The following VGLL4 variants were observed in gnomAD, a reference collection of about 807,000 sequenced individuals.
The protein encoded by VGLL4 is vestigial like family member 4, also known as transcription cofactor vestigial-like protein 4.
In VGLL4, 7 loss-of-function variants were observed where a neutral mutation model predicts 21.0. The ratio of observed to expected loss-of-function variants is 0.33; its 90% CI spans 0.19 to 0.63. The LOEUF (loss-of-function observed/expected upper bound fraction) is 0.63, where lower values mean the gene tolerates loss of function less well. Ranked by LOEUF, VGLL4 falls within the 20% of genes least tolerant of loss-of-function variation. The probability of loss-of-function intolerance (pLI) is 0.78; values close to 1 mark genes in which losing one functional copy is unlikely to be tolerated. For missense variants in VGLL4, 394 were observed against 425.7 expected (o/e 0.93, Z 0.66); for synonymous variants, 222 against 173.2 (o/e 1.28, Z -2.21).
intron 2 of VGLL4, among the ~76,000 whole-genome samples, chr3:11,587,997 C>T (rs991214788): frequency 9.9e-5 from 15 of 152,158 alleles, no homozygotes; most frequent in Non-Finnish European, 2.1e-4. Context: ...GAAAGGAGAG[C>T]GGTGGCGCTC....
chr3:11,587,029 A>G (rs2074377298), intron 2 of VGLL4, among the ~76,000 whole-genome samples: 1 of 152,278 alleles, frequency 6.6e-6, no homozygotes. Flanking sequence ...AAGTCGAGAA[A>G]TAATAGCAGG....
chr3:11,659,889 G>A (rs181353494), intron 2 of VGLL4, among the ~76,000 whole-genome samples: 42 of 152,258 alleles, frequency 2.8e-4, no homozygotes, highest in African/African-American at 7.5e-4. Context: ...TTGGCCGGGC[G>A]CGGTGGCTCA....
Position 11,558,465 on chromosome 3 carries a change from C to G in VGLL4, c.*91G>C. 8.3e-7 allele frequency: 1 copy of G among 1,210,042 alleles called. No individual in the cohort carries two copies. The highest frequency in any genetic ancestry group is 3.0e-5 in the East Asian group (1 of 33,776). 75.0% of individuals were successfully genotyped at this position (1,210,042 alleles called of 1,614,324 possible). A position where few individuals can be genotyped will look rare whatever the true frequency, so the allele number is the denominator to read the frequency against. On this transcript the variant is annotated 3_prime_UTR_variant, in exon 5 of 5. Coordinates refer to ENST00000430365, the MANE Select transcript of VGLL4 (RefSeq NM_001128219.3). ...ACCATCCCTTCCCTTCCCCCCACCC[C>G]ACCCCCATGATTTTTTTTTTTTTAA... is the stretch of plus-strand genomic sequence containing the variant.
rs2072438237 is a variant in VGLL4 at position 11,556,612 on chromosome 3, A to C, written c.*1944T>G. On this transcript the variant is annotated 3_prime_UTR_variant, in exon 5 of 5. Transcript: ENST00000430365. The stretch of plus-strand genomic sequence containing the variant: ...CAAATCTACGACAAAAAAAAAGATC[A>C]ACTTTTTTTTTCCGAACAACAAAAA... 1 of 152,266 alleles carries C rather than the reference A, an allele frequency of 6.6e-6. No individual in the cohort carries two copies. 9.4% of individuals were successfully genotyped at this position (152,266 alleles called of 1,614,324 possible). A position where few individuals can be genotyped will look rare whatever the true frequency, so the allele number is the denominator to read the frequency against.
chr3:11,658,488 A>G (rs927122910), intron 2 of VGLL4, among the ~76,000 whole-genome samples: 3 of 151,718 alleles, frequency 2.0e-5, no homozygotes, highest in African/African-American at 7.3e-5. Context: ...ATATTTAACC[A>G]AACACAGGGC....
intron 1 of VGLL4, among the ~76,000 whole-genome samples, chr3:11,613,070 A>C (rs1301031410): frequency 6.6e-6 from 1 of 152,146 alleles, no homozygotes; most frequent in African/African-American, 2.4e-5. Flanking sequence ...TAAGCAAAAA[A>C]AAAAAGAGGC....
At chr3:11,609,756 G>A (rs1048198097) in intron 1 of VGLL4, among the ~76,000 whole-genome samples, 34 of 152,302 alleles carry the variant, frequency 2.2e-4, no homozygotes, top group African/African-American at 7.5e-4. Context: ...CATGGGAGGC[G>A]ATGGCATGGC....
chr3:11,622,185 T>G (rs1255098943), intron 1 of VGLL4, among the ~76,000 whole-genome samples: 2 of 152,202 alleles, frequency 1.3e-5, no homozygotes, highest in African/African-American at 4.8e-5. Flanking sequence ...ATCTTACATC[T>G]TTTACAAAGC....
chr3:11,678,632 G>T (rs1261663631), intron 2 of VGLL4, among the ~76,000 whole-genome samples: 2 of 152,186 alleles, frequency 1.3e-5, no homozygotes, highest in Non-Finnish European at 2.9e-5. Flanking sequence ...GGTCGAGGCT[G>T]CAGTGAGCCA....
At chr3:11,610,596 G>T (rs1227733018) in intron 1 of VGLL4, 1 of 152,314 alleles carries the variant, frequency 6.6e-6, no homozygotes, top group Non-Finnish European at 1.5e-5. Flanking sequence ...GCTGTGCAGG[G>T]TCCACACCCT....
intron 1 of VGLL4, among the ~76,000 whole-genome samples, chr3:11,641,539 C>A (rs909621653): frequency 1.3e-5 from 2 of 152,200 alleles, no homozygotes; most frequent in African/African-American, 2.4e-5. Context: ...AGTGTTTACA[C>A]TGAGAAAACC....
At chr3:11,581,890 A>G (rs185238017) in intron 2 of VGLL4, among the ~76,000 whole-genome samples, 1 of 152,340 alleles carries the variant, frequency 6.6e-6, no homozygotes, top group East Asian at 1.9e-4. Flanking sequence ...CAGCCAAACT[A>G]TGCACCATTG....
At chr3:11,711,984 A>G (rs953438828) in intron 1 of VGLL4, among the ~76,000 whole-genome samples, 2 of 152,154 alleles carry the variant, frequency 1.3e-5, no homozygotes, top group Non-Finnish European at 2.9e-5. Context: ...TCTCCTCCCC[A>G]GAGTGTCCGG....
chr3:11,567,188 C>T (rs926275163), intron 2 of VGLL4, among the ~76,000 whole-genome samples: 5 of 152,218 alleles, frequency 3.3e-5, no homozygotes, highest in African/African-American at 1.2e-4. Flanking sequence ...CTCGGCGTCC[C>T]CATGTAACCA....
At chr3:11,606,697 G>A (rs2074949122) in intron 1 of VGLL4, among the ~76,000 whole-genome samples, 1 of 152,098 alleles carries the variant, frequency 6.6e-6, no homozygotes, top group Non-Finnish European at 1.5e-5. Context: ...GCTCTCTGTG[G>A]GTAGCTAAAG....
chr3:11,584,589 A>C (rs2074318768), intron 2 of VGLL4, among the ~76,000 whole-genome samples: 1 of 152,172 alleles, frequency 6.6e-6, no homozygotes. Context: ...GGAATATATG[A>C]GATGGGAGGA....
intron 2 of VGLL4, among the ~76,000 whole-genome samples, chr3:11,696,524 C>A (rs2076609107): frequency 6.6e-6 from 1 of 152,308 alleles, no homozygotes; most frequent in South Asian, 2.1e-4. Flanking sequence ...CATCCCAGTG[C>A]ATACAACGGA....
chr3:11,573,285 A>G (rs796606709), intron 2 of VGLL4, among the ~76,000 whole-genome samples: 1,206 of 12,406 alleles, frequency 0.097, 121 homozygotes, highest in South Asian at 0.23. Context: ...GAAAGAAAGA[A>G]AGAAAGAAAG....
intron 2 of VGLL4, among the ~76,000 whole-genome samples, chr3:11,658,955 C>T (rs2125351861): frequency 6.6e-6 from 1 of 152,322 alleles, no homozygotes; most frequent in East Asian, 1.9e-4. Context: ...TAACACCACA[C>T]ACATACAGCA....
Sources: gnomAD v4.1 joint callset for allele counts (sites outside exome capture counted in the v4.1 genomes callset) on GRCh38, gnomAD v4.1.1 for gene constraint, MANE v1.5 for transcripts, NCBI Gene and HGNC (gene_info 2026-07-23, HGNC 2026-07-21) for gene names.